The following NELL1 variants were observed in gnomAD, a reference collection of about 807,000 sequenced individuals.
The protein encoded by NELL1 is protein kinase C-binding protein NELL1.
Under a neutral mutation model 107.4 loss-of-function variants are expected in NELL1, and 76 were observed. That is an observed-to-expected ratio of 0.71 (90% confidence interval 0.59 to 0.86). The LOEUF (loss-of-function observed/expected upper bound fraction) is 0.86, where lower values mean the gene tolerates loss of function less well. Ranked by LOEUF, NELL1 falls within the 40% of genes least tolerant of loss-of-function variation. The probability of loss-of-function intolerance (pLI) is 0.00; values close to 1 mark genes in which losing one functional copy is unlikely to be tolerated. For synonymous variants in NELL1, 353 were observed against 341.2 expected, an observed-to-expected ratio of 1.03 and a Z score of -0.38; for missense variants, 1,024 against 1,005.5, an observed-to-expected ratio of 1.02 and a Z score of -0.25.
chr11:21,546,157 T>G (rs539298477), intron 16 of NELL1, among the ~76,000 whole-genome samples: 23 of 152,114 alleles, frequency 1.5e-4, no homozygotes, highest in African/African-American at 5.3e-4. Context: ...CCGGCCTCAA[T>G]GTTTCCAGTT....
At position 20,895,583 on chromosome 11, in the gene NELL1, G is replaced by A. The variant is rs151166398; in HGVS notation, c.603+10043G>A. 6.4e-3 allele frequency among the ~76,000 whole-genome samples: 872 copies of A among 136,386 alleles called. 6 individuals carry two copies. Among genetic ancestry groups the A allele is most frequent in the African/African-American group, 0.022 (826 of 37,890 alleles). 89.5% of individuals were successfully genotyped at this position (136,386 alleles called of 152,430 possible). ...TGCAGTGGCGCGATCTTGGCTCACTGCAACCTCCGCCCCTCCAGGTTTAAG... is the reference window on the plus strand; with the variant it reads ...TGCAGTGGCGCGATCTTGGCTCACTACAACCTCCGCCCCTCCAGGTTTAAG... On this transcript the variant is annotated intron_variant, in intron 5 of 19. Coordinates refer to ENST00000357134, the MANE Select transcript of NELL1 (RefSeq NM_006157.5).
chr11:21,316,064 G>C (rs1385579004), intron 14 of NELL1, among the ~76,000 whole-genome samples: 1 of 152,052 alleles, frequency 6.6e-6, no homozygotes, highest in East Asian at 1.9e-4. Flanking sequence ...TTTTGGGACA[G>C]TTTGTGAATA....
chr11:21,556,505 G>A (rs542029763), intron 16 of NELL1, among the ~76,000 whole-genome samples: 31 of 152,032 alleles, frequency 2.0e-4, no homozygotes, highest in African/African-American at 7.5e-4. Flanking sequence ...GGCTTGAAGG[G>A]TAGGAAAATT....
chr11:20,899,129 C>T (rs1335210304), intron 5 of NELL1, among the ~76,000 whole-genome samples: 4 of 152,056 alleles, frequency 2.6e-5, no homozygotes, highest in African/African-American at 9.7e-5. Flanking sequence ...TTTAAACATA[C>T]TTAACAAGTT....
chr11:21,068,811 TGAATA>T (rs1853942410), intron 12 of NELL1, among the ~76,000 whole-genome samples: 1 of 152,178 alleles, frequency 6.6e-6, no homozygotes, highest in Non-Finnish European at 1.5e-5. Flanking sequence ...AACTACCTTT[TGAATA>T]CCTAAAGTTT....
intron 18 of NELL1, among the ~76,000 whole-genome samples, chr11:21,572,222 A>G (rs539966304): frequency 4.0e-5 from 6 of 151,876 alleles, no homozygotes; most frequent in African/African-American, 1.4e-4. Flanking sequence ...TGATGCATGA[A>G]ATTTTCATAG....
At chr11:21,061,468 T>G (rs532741281) in intron 12 of NELL1, among the ~76,000 whole-genome samples, 1 of 152,198 alleles carries the variant, frequency 6.6e-6, no homozygotes. Flanking sequence ...CACTGTAAAG[T>G]TTTAGTTAGG....
intron 2 of NELL1, 22 bp downstream of exon 2, chr11:20,678,082 C>A (rs1369337745): frequency 1.2e-6 from 2 of 1,613,592 alleles, no homozygotes; most frequent in Non-Finnish European, 8.5e-7. Context: ...TCCTTTCTTG[C>A]ATGGTGGCAG....
chr11:20,986,596 G>T (rs937147012), intron 12 of NELL1, among the ~76,000 whole-genome samples: 1 of 152,136 alleles, frequency 6.6e-6, no homozygotes, highest in Non-Finnish European at 1.5e-5. Context: ...TGATTCATTA[G>T]GTCTCAGGTA....
At chr11:20,735,076 A>G (rs541575970) in intron 2 of NELL1, among the ~76,000 whole-genome samples, 7 of 152,150 alleles carry the variant, frequency 4.6e-5, no homozygotes, top group Non-Finnish European at 8.8e-5. Context: ...GAAGAGAAGA[A>G]GGAGCCAGCA....
At chr11:21,309,265 TA>T (rs1364761693) in intron 14 of NELL1, among the ~76,000 whole-genome samples, 1 of 38,742 alleles carries the variant, frequency 2.6e-5, no homozygotes, top group African/African-American at 7.0e-5. Flanking sequence ...TATATGTATA[TA>T]TATATATATA....
At chr11:20,970,067 CCA>C (rs1851466281) in intron 12 of NELL1, among the ~76,000 whole-genome samples, 1 of 151,784 alleles carries the variant, frequency 6.6e-6, no homozygotes, top group Non-Finnish European at 1.5e-5. Flanking sequence ...ATCCATCCAT[CCA>C]TCCATCCATC....
At chr11:20,871,920 G>A (rs1849206603) in intron 4 of NELL1, among the ~76,000 whole-genome samples, 1 of 150,998 alleles carries the variant, frequency 6.6e-6, no homozygotes. Context: ...TCAGGAGGCT[G>A]AGGTGGGAGA....
intron 2 of NELL1, among the ~76,000 whole-genome samples, chr11:20,762,423 G>A (rs573393102): frequency 2.4e-4 from 36 of 152,338 alleles, no homozygotes; most frequent in Non-Finnish European, 4.1e-4. Context: ...TTTTATTCAT[G>A]AGTTGTGGTG....
chr11:20,669,749 T>G lies in NELL1; in HGVS notation c.26T>G (p.Val9Gly), dbSNP rs749341410. 1 of 1,613,646 alleles carries G rather than the reference T, an allele frequency of 6.2e-7. No homozygotes were observed. The highest frequency in any genetic ancestry group is 1.1e-5 in the South Asian group (1 of 91,028). ...ATGCCGATGGATTTGATTTTAGTTG[T>G]GTGGTTCTGTGTGTGCACTGCCAGG... is the stretch of plus-strand genomic sequence containing the variant. MPMDLILV[V>G]WFCVCTARTV... The change falls in exon 1 of 20, where the codon GTG becomes GGG. Residue 9 changes from valine to glycine, a missense_variant. Coordinates refer to ENST00000357134, the MANE Select transcript of NELL1 (RefSeq NM_006157.5). This position sits in a 1 kb window ranked among gnomAD's most constrained non-coding sequence, Gnocchi z 4.4.
At chr11:20,821,541 A>C (rs75855735) in intron 3 of NELL1, among the ~76,000 whole-genome samples, 2 of 152,212 alleles carry the variant, frequency 1.3e-5, no homozygotes, top group African/African-American at 4.8e-5. Context: ...AATTGATTGT[A>C]GGGTAATAAT....
At chr11:21,444,899 T>A (rs1853381080) in intron 15 of NELL1, among the ~76,000 whole-genome samples, 1 of 152,186 alleles carries the variant, frequency 6.6e-6, no homozygotes, top group Non-Finnish European at 1.5e-5. Flanking sequence ...TGGTAGTGTG[T>A]TTTAATTTAT....
intron 4 of NELL1, among the ~76,000 whole-genome samples, chr11:20,854,340 A>G (rs12288317): frequency 0.029 from 4,404 of 152,082 alleles, 80 homozygotes; most frequent in Middle Eastern, 0.048. Flanking sequence ...TTCCACCTCT[A>G]CCCTTCTGGG....
At chr11:20,940,568 A>G (rs1004142681) in intron 10 of NELL1, among the ~76,000 whole-genome samples, 20 of 152,004 alleles carry the variant, frequency 1.3e-4, no homozygotes, top group Non-Finnish European at 2.6e-4. Flanking sequence ...TCTTTGTACC[A>G]TGGTGGTCTC....
Sources: gnomAD v4.1 joint callset for allele counts (sites outside exome capture counted in the v4.1 genomes callset) on GRCh38, gnomAD v4.1.1 for gene constraint, Gnocchi (gnomAD v3.1) non-coding constraint, MANE v1.5 for transcripts, NCBI Gene and HGNC (gene_info 2026-07-23, HGNC 2026-07-21) for gene names.